CSMD3: variants seen among roughly 807,000 people sequenced by gnomAD.
The protein encoded by CSMD3 is CUB and sushi domain-containing protein 3.
Under a neutral mutation model 435.2 loss-of-function variants are expected in CSMD3, and 177 were observed. That is an observed-to-expected ratio of 0.41 (90% CI 0.36 to 0.46). CSMD3 has a LOEUF of 0.46. Ranked by LOEUF, CSMD3 falls within the 20% of genes least tolerant of loss-of-function variation. CSMD3 has a pLI of 0.34. For synonymous variants in CSMD3, 1,656 were observed against 1,520.5 expected (o/e 1.09, Z -2.07); for missense variants, 4,265 against 4,504.6 (o/e 0.95, Z 1.52).
intron 13 of CSMD3, among the ~76,000 whole-genome samples, chr8:112,790,716 T>C (rs946188421): frequency 1.3e-5 from 2 of 152,288 alleles, no homozygotes; most frequent in Non-Finnish European, 2.9e-5. Flanking sequence ...CACTTCAACA[T>C]TTAAAAAATG....
chr8:112,439,877 A>G (rs1009180120), intron 32 of CSMD3, among the ~76,000 whole-genome samples: 1 of 151,470 alleles, frequency 6.6e-6, no homozygotes, highest in African/African-American at 2.4e-5. Context: ...CCCCGCCAAC[A>G]TGTGAAGATT....
At chr8:112,390,867 TC>T in intron 35 of CSMD3, 79 bp from the exon 36 acceptor site, 1 of 1,284,130 alleles carries the variant, frequency 7.8e-7, no homozygotes, top group East Asian at 2.4e-5. Flanking sequence ...AGAGATAACA[TC>T]TTAGACAGAT....
chr8:112,829,388 C>A (rs910803497), intron 12 of CSMD3, among the ~76,000 whole-genome samples: 5 of 152,214 alleles, frequency 3.3e-5, no homozygotes, highest in African/African-American at 9.6e-5. Context: ...GTCAAATCTG[C>A]TGACACCTTA....
chr8:112,901,079 A>G (rs1293381062), intron 10 of CSMD3, among the ~76,000 whole-genome samples: 1 of 151,262 alleles, frequency 6.6e-6, no homozygotes, highest in Non-Finnish European at 1.5e-5. Context: ...GTTATGGTGA[A>G]GGTTATGTAT....
chr8:113,180,815 C>A (rs1478096488), intron 3 of CSMD3, among the ~76,000 whole-genome samples: 1 of 151,960 alleles, frequency 6.6e-6, no homozygotes, highest in South Asian at 2.1e-4. Flanking sequence ...TGATTCAATT[C>A]TGTTTCTATG....
intron 24 of CSMD3, among the ~76,000 whole-genome samples, chr8:112,568,910 T>C (rs574418106): frequency 1.2e-4 from 18 of 152,318 alleles, no homozygotes; most frequent in Middle Eastern, 3.4e-3. Flanking sequence ...AATATCTCCC[T>C]TCTTCCTTGC....
intron 32 of CSMD3, among the ~76,000 whole-genome samples, chr8:112,471,652 T>A (rs1337805407): frequency 6.6e-6 from 1 of 152,114 alleles, no homozygotes; most frequent in African/African-American, 2.4e-5. Flanking sequence ...TTATAAGAAA[T>A]TGGACTGGAA....
chr8:113,405,930 A>C (rs1287603256), intron 1 of CSMD3, among the ~76,000 whole-genome samples: 1 of 151,786 alleles, frequency 6.6e-6, no homozygotes, highest in African/African-American at 2.4e-5. Flanking sequence ...TATTTAGAGG[A>C]TATCAAGCTG....
At chr8:112,352,369 C>G in intron 39 of CSMD3, 47 bp downstream of exon 39, 1 of 1,609,498 alleles carries the variant, frequency 6.2e-7, no homozygotes, top group Non-Finnish European at 8.5e-7. Context: ...GTAAAATATT[C>G]TGAAAGGGCC....
intron 13 of CSMD3, among the ~76,000 whole-genome samples, chr8:112,714,329 A>G (rs542885569): frequency 6.6e-6 from 1 of 152,322 alleles, no homozygotes; most frequent in Non-Finnish European, 1.5e-5. Flanking sequence ...AAGACAAAGA[A>G]AGGCATTACA....
intron 13 of CSMD3, among the ~76,000 whole-genome samples, chr8:112,721,995 C>A (rs968608279): frequency 5.3e-5 from 8 of 151,920 alleles, no homozygotes; most frequent in African/African-American, 1.5e-4. Flanking sequence ...TATTACTCTG[C>A]AGCTTTCAAA....
At chr8:112,920,169 G>C (rs2082692918) in intron 10 of CSMD3, among the ~76,000 whole-genome samples, 1 of 151,838 alleles carries the variant, frequency 6.6e-6, no homozygotes, top group African/African-American at 2.4e-5. Context: ...TAATTTATGT[G>C]GAAATAGTTC....
intron 12 of CSMD3, among the ~76,000 whole-genome samples, chr8:112,824,969 A>G (rs937949287): frequency 5.9e-5 from 9 of 152,202 alleles, no homozygotes; most frequent in Admixed American, 5.9e-4. Flanking sequence ...GTCTTTTGAC[A>G]TAGTTCCATA....
At chr8:113,313,149 G>A (rs566462142) in intron 2 of CSMD3, 1 of 151,958 alleles carries the variant, frequency 6.6e-6, no homozygotes, top group Non-Finnish European at 1.5e-5. Context: ...GGCTAGAACC[G>A]GCCTTACTAC....
chr8:112,640,418 T>C (rs997262472), intron 20 of CSMD3, among the ~76,000 whole-genome samples: 1 of 151,922 alleles, frequency 6.6e-6, no homozygotes, highest in Admixed American at 6.6e-5. Flanking sequence ...CTTAAGAGTC[T>C]CCATTGTTTT....
At chr8:112,945,542 A>T (rs1376828097) in intron 9 of CSMD3, among the ~76,000 whole-genome samples, 1 of 150,738 alleles carries the variant, frequency 6.6e-6, no homozygotes, top group Admixed American at 6.6e-5. Context: ...TTACCCTAAA[A>T]GTGTGTAGGT....
chr8:113,230,908 T>C (rs994948470), intron 3 of CSMD3, among the ~76,000 whole-genome samples: 5 of 151,514 alleles, frequency 3.3e-5, no homozygotes, highest in African/African-American at 1.2e-4. Flanking sequence ...CTTACAAATA[T>C]GCCCATCACA....
chr8:112,265,698 C>T (rs1316028594), intron 59 of CSMD3, 108 bp from the exon 60 acceptor site: 2 of 820,248 alleles, frequency 2.4e-6, no homozygotes, highest in African/African-American at 1.7e-5. Context: ...AATTAGTTAT[C>T]GTGTTCATTT....
intron 2 of CSMD3, among the ~76,000 whole-genome samples, chr8:113,293,926 A>G (rs985544722): frequency 4.6e-5 from 7 of 152,144 alleles, no homozygotes; most frequent in Admixed American, 4.6e-4. Flanking sequence ...TGATAAAATC[A>G]GATCACGGTT....
Sources: gnomAD v4.1 joint callset for allele counts (sites outside exome capture counted in the v4.1 genomes callset) on GRCh38, gnomAD v4.1.1 for gene constraint, MANE v1.5 for transcripts, NCBI Gene and HGNC (gene_info 2026-07-23, HGNC 2026-07-21) for gene names.